Variants in RAD51B observed in about 807,000 individuals in gnomAD.
RAD51B encodes the protein DNA repair protein RAD51 homolog 2.
In RAD51B, 38 loss-of-function variants were observed where a neutral mutation model predicts 42.2. The observed-to-expected ratio is 0.90, with a 90% CI of 0.70 to 1.18. RAD51B has a LOEUF of 1.18. RAD51B is among the 50% of genes most tolerant of loss of function. The pLI is 0.00. For synonymous variants in RAD51B, 154 were observed against 145.2 expected, an observed-to-expected ratio of 1.06 and a Z score of -0.43; for missense variants, 373 against 400.7, an observed-to-expected ratio of 0.93 and a Z score of 0.59.
intron 7 of RAD51B, among the ~76,000 whole-genome samples, chr14:68,185,804 A>C (rs1221871919): frequency 6.6e-6 from 1 of 152,156 alleles, no homozygotes; most frequent in African/African-American, 2.4e-5. Flanking sequence ...AAGAGAATCT[A>C]ACTCTGCCAC....
At chr14:68,587,165 C>T (rs2140070423) in intron 10 of RAD51B, among the ~76,000 whole-genome samples, 1 of 152,336 alleles carries the variant, frequency 6.6e-6, no homozygotes, top group South Asian at 2.1e-4. Context: ...AGAAGGAACC[C>T]CTCTGTCCAC....
chr14:68,546,328 G>A (rs1319326526), intron 10 of RAD51B, among the ~76,000 whole-genome samples: 5 of 152,196 alleles, frequency 3.3e-5, no homozygotes, highest in Admixed American at 1.3e-4. Flanking sequence ...AGACCTTGGT[G>A]AGGGAGAGGG....
chr14:68,323,749 C>T (rs1236683597), intron 8 of RAD51B, among the ~76,000 whole-genome samples: 4 of 152,306 alleles, frequency 2.6e-5, no homozygotes, highest in East Asian at 1.9e-4. Context: ...GAGCTGAGAT[C>T]GTGCCACTGC....
chr14:68,537,314 C>T (rs970905403), intron 10 of RAD51B, among the ~76,000 whole-genome samples: 6 of 151,804 alleles, frequency 4.0e-5, no homozygotes, highest in African/African-American at 7.3e-5. Flanking sequence ...CTGGCTAACA[C>T]GGTGAAACCC....
chr14:68,260,513 G>A (rs538505967), intron 7 of RAD51B, among the ~76,000 whole-genome samples: 1 of 152,184 alleles, frequency 6.6e-6, no homozygotes, highest in South Asian at 2.1e-4. Context: ...TTATGGTTAG[G>A]TTTGATGAAG....
At chr14:67,943,542 CTCCATCCATCCA>C (rs912122344) in intron 7 of RAD51B, among the ~76,000 whole-genome samples, 1 of 152,272 alleles carries the variant, frequency 6.6e-6, no homozygotes, top group African/African-American at 2.4e-5. Flanking sequence ...CCACCCATCC[CTCCATCCATCCA>C]TCCATTTATT....
At chr14:68,497,485 G>GT (rs371293516) in intron 10 of RAD51B, 36,077 of 628,090 alleles carry the variant, frequency 0.057, 39 homozygotes, top group Middle Eastern at 0.06. Flanking sequence ...GAACACATAG[G>GT]TTTTTTTTTT....
chr14:68,682,889 A>G, intron 11 of RAD51B: 3 of 916,654 alleles, frequency 3.3e-6, no homozygotes, highest in Non-Finnish European at 3.9e-6. Context: ...TTTTTTTTTA[A>G]TAAAAATCTG....
exon 11 of RAD51B, chr14:68,611,344 T>C (rs1891674979): frequency 1.5e-6 from 1 of 667,476 alleles, no homozygotes; most frequent in African/African-American, 1.8e-5. Flanking sequence ...GTTGCTTCCT[T>C]GTCCCTTTCA....
chr14:68,259,708 G>T (rs1056461396), intron 7 of RAD51B, among the ~76,000 whole-genome samples: 6 of 152,148 alleles, frequency 3.9e-5, no homozygotes, highest in Non-Finnish European at 7.4e-5. Context: ...GCACAGATCT[G>T]CAAGTTGAGC....
At chr14:68,572,863 C>T (rs1207494262) in intron 10 of RAD51B, among the ~76,000 whole-genome samples, 1 of 152,182 alleles carries the variant, frequency 6.6e-6, no homozygotes, top group Admixed American at 6.5e-5. Context: ...AGGTACTGTA[C>T]ATGTTTTCGC....
At chr14:67,959,583 A>G (rs1420186655) in intron 7 of RAD51B, among the ~76,000 whole-genome samples, 2 of 152,164 alleles carry the variant, frequency 1.3e-5, no homozygotes, top group African/African-American at 2.4e-5. Context: ...GCCTTGAAAA[A>G]TAATGGTAAG....
At chr14:68,545,729 T>G (rs1200437984) in intron 10 of RAD51B, 1 of 434,786 alleles carries the variant, frequency 2.3e-6, no homozygotes, top group African/African-American at 2.0e-5. Flanking sequence ...CTGCCAAGAG[T>G]GAAGGGCTTG....
chr14:68,676,863 A>C (rs1284254094), intron 11 of RAD51B, among the ~76,000 whole-genome samples: 4 of 152,246 alleles, frequency 2.6e-5, no homozygotes, highest in African/African-American at 9.6e-5. Context: ...CTCCACATGC[A>C]GGCAGGGCCA....
intron 7 of RAD51B, among the ~76,000 whole-genome samples, chr14:68,244,381 A>ATC (rs1321769785): frequency 1.3e-5 from 2 of 152,168 alleles, no homozygotes; most frequent in Non-Finnish European, 2.9e-5. Context: ...CAAACAAAAG[A>ATC]TCTGTAGGGC....
intron 7 of RAD51B, among the ~76,000 whole-genome samples, chr14:68,153,224 A>G (rs532881200): frequency 1.3e-5 from 2 of 152,358 alleles, no homozygotes; most frequent in East Asian, 3.9e-4. Context: ...ATTTAAATAT[A>G]CATTAGTTAT....
At chr14:68,426,727 T>C (rs1188878977) in intron 9 of RAD51B, among the ~76,000 whole-genome samples, 1 of 152,216 alleles carries the variant, frequency 6.6e-6, no homozygotes, top group African/African-American at 2.4e-5. Context: ...AGGAAATGTG[T>C]GGCTAAGCAA....
At chr14:68,463,534 T>C (rs2085899163) in intron 9 of RAD51B, among the ~76,000 whole-genome samples, 1 of 152,072 alleles carries the variant, frequency 6.6e-6, no homozygotes. Context: ...AGAAAACTCA[T>C]AGTGAAAGCA....
At position 68,307,255 on chromosome 14, in the gene RAD51B, A is replaced by G. The variant is rs1258539510; in HGVS notation, c.853+15275A>G. Among the ~76,000 whole-genome samples the G allele has an allele frequency of 2.6e-5, 4 of 152,248 alleles. No homozygotes were observed. In the East Asian group the frequency reaches 7.7e-4, roughly 29 times the overall value. ...TCTCTTGCAACAGGCGAGCACTGTA[A>G]ATGCCACTCCTGAATGATATATTTC... On this transcript the variant is annotated intron_variant, in intron 8 of 10. Transcript: ENST00000471583.
Sources: allele counts gnomAD v4.1 joint callset (sites outside exome capture counted in the v4.1 genomes callset), GRCh38; gene constraint gnomAD v4.1.1; transcripts MANE v1.5; gene names NCBI Gene and HGNC (gene_info 2026-07-23, HGNC 2026-07-21).